Variants in SNX29 observed in about 807,000 individuals in gnomAD.
SNX29 encodes the protein sorting nexin 29, also known as sorting nexin-29.
Under a neutral mutation model 102.1 loss-of-function variants are expected in SNX29, and 78 were observed. The observed-to-expected ratio is 0.76, with a 90% CI of 0.64 to 0.92. The LOEUF is 0.92. Among genes scored for constraint, SNX29 ranks in the 40% least tolerant of loss-of-function variants. SNX29 has a pLI of 0.00. For missense variants in SNX29, 1,280 were observed against 1,061.7 expected (o/e 1.21, Z -2.86); for synonymous variants, 580 against 414.5 (o/e 1.40, Z -4.85).
intron 13 of SNX29, among the ~76,000 whole-genome samples, chr16:12,186,681 C>A (rs1409038662): frequency 2.0e-5 from 3 of 152,228 alleles, no homozygotes; most frequent in African/African-American, 7.2e-5. Context: ...ATCTGGGGAA[C>A]ACCTCCACAG....
At chr16:12,566,290 G>A (rs1462446274) in intron 20 of SNX29, among the ~76,000 whole-genome samples, 7 of 152,162 alleles carry the variant, frequency 4.6e-5, no homozygotes, top group Admixed American at 4.6e-4. Context: ...GGACTGGACA[G>A]AGACACGTGC....
At chr16:12,418,932 T>A (rs768819401) in intron 18 of SNX29, among the ~76,000 whole-genome samples, 1 of 152,170 alleles carries the variant, frequency 6.6e-6, no homozygotes, top group Non-Finnish European at 1.5e-5. Flanking sequence ...GAGCGGCAGT[T>A]ATACATCTGC....
chr16:12,057,714 T>G (rs915825238), intron 8 of SNX29, among the ~76,000 whole-genome samples: 4 of 152,046 alleles, frequency 2.6e-5, no homozygotes, highest in Admixed American at 6.6e-5. Flanking sequence ...CATTTTAACA[T>G]TTAGGATCTC....
At chr16:12,505,607 C>T (rs2089336506) in intron 19 of SNX29, among the ~76,000 whole-genome samples, 2 of 152,230 alleles carry the variant, frequency 1.3e-5, no homozygotes, top group African/African-American at 4.8e-5. Context: ...GCATAGTTAG[C>T]TCACGTGCTT....
chr16:12,076,513 G>T (rs1003928103), intron 10 of SNX29, among the ~76,000 whole-genome samples: 13 of 152,080 alleles, frequency 8.5e-5, no homozygotes, highest in Admixed American at 7.2e-4. Context: ...TGTTGGCTAG[G>T]CTGGTCTCGA....
intron 11 of SNX29, among the ~76,000 whole-genome samples, chr16:12,119,508 C>A (rs766855296): frequency 1.3e-5 from 2 of 152,218 alleles, no homozygotes; most frequent in Non-Finnish European, 2.9e-5. Flanking sequence ...GAGTGCCTCA[C>A]ATTTGTGTTT....
chr16:12,404,224 T>TA (rs2084074073), intron 18 of SNX29, among the ~76,000 whole-genome samples: 1 of 152,210 alleles, frequency 6.6e-6, no homozygotes, highest in Admixed American at 6.5e-5. Flanking sequence ...AGACATCGCC[T>TA]CTGCTTCCTT....
At chr16:12,462,216 C>T (rs1203269093) in intron 18 of SNX29, among the ~76,000 whole-genome samples, 3 of 151,606 alleles carry the variant, frequency 2.0e-5, no homozygotes, top group South Asian at 2.1e-4. Flanking sequence ...CTGGACCCTG[C>T]TTCCATGGTC....
At chr16:12,307,763 C>T (rs958414836) in intron 15 of SNX29, among the ~76,000 whole-genome samples, 3 of 152,232 alleles carry the variant, frequency 2.0e-5, no homozygotes, top group African/African-American at 7.2e-5. Context: ...TCGGCCTTGG[C>T]TGGTAGGCAC....
intron 20 of SNX29, among the ~76,000 whole-genome samples, chr16:12,538,777 C>T (rs554110926): frequency 6.6e-5 from 10 of 152,328 alleles, no homozygotes; most frequent in Non-Finnish European, 1.2e-4. Context: ...GAGCATGTCA[C>T]ATCGCCAAGG....
chr16:12,192,532 A>G (rs2076668702), intron 13 of SNX29, among the ~76,000 whole-genome samples: 1 of 151,724 alleles, frequency 6.6e-6, no homozygotes, highest in African/African-American at 2.4e-5. Flanking sequence ...TTGTTTGTGA[A>G]TTGCAGTCTC....
chr16:12,416,303 T>C (rs2084634103), intron 18 of SNX29, among the ~76,000 whole-genome samples: 2 of 152,146 alleles, frequency 1.3e-5, no homozygotes, highest in African/African-American at 4.8e-5. Context: ...CAGTCACTCA[T>C]TGGTCATTGC....
intron 1 of SNX29, among the ~76,000 whole-genome samples, chr16:11,998,533 C>T (rs1218810814): frequency 6.6e-6 from 1 of 152,160 alleles, no homozygotes; most frequent in East Asian, 1.9e-4. Flanking sequence ...TCAGTGATAT[C>T]AGGGCTGGTG....
intron 16 of SNX29, among the ~76,000 whole-genome samples, chr16:12,368,956 G>A (rs968159058): frequency 4.6e-5 from 7 of 152,086 alleles, no homozygotes; most frequent in African/African-American, 1.7e-4. Flanking sequence ...CTGAGCTCAT[G>A]ACCCACATTC....
chr16:12,107,592 C>T (rs1314415314), intron 11 of SNX29, among the ~76,000 whole-genome samples: 6 of 152,008 alleles, frequency 3.9e-5, no homozygotes, highest in African/African-American at 1.5e-4. Context: ...AGCTGAGATG[C>T]GTTCCTTCAT....
intron 13 of SNX29, chr16:12,135,448 G>A: frequency 8.3e-7 from 1 of 1,203,536 alleles, no homozygotes; most frequent in Admixed American, 2.3e-5. Context: ...CATCCATGAG[G>A]GCTTTACAGG....
chr16:12,540,925 C>G (rs908796360), intron 20 of SNX29, among the ~76,000 whole-genome samples: 3 of 152,190 alleles, frequency 2.0e-5, no homozygotes, highest in African/African-American at 7.2e-5. Context: ...TCTGTTCACC[C>G]CCTGCCCACT....
At chr16:12,441,533 G>C (rs1567566526) in intron 18 of SNX29, among the ~76,000 whole-genome samples, 1 of 152,104 alleles carries the variant, frequency 6.6e-6, no homozygotes, top group Non-Finnish European at 1.5e-5. Context: ...TCCTATACTA[G>C]TCTCTGTGTG....
chr16:12,564,322 C>G (rs2141519311), intron 20 of SNX29, among the ~76,000 whole-genome samples: 1 of 152,316 alleles, frequency 6.6e-6, no homozygotes, highest in Non-Finnish European at 1.5e-5. Context: ...ACTAGTGTCT[C>G]TTACCTTATT....
Sources: gnomAD v4.1 joint callset for allele counts (sites outside exome capture counted in the v4.1 genomes callset) on GRCh38, gnomAD v4.1.1 for gene constraint, MANE v1.5 for transcripts, NCBI Gene and HGNC (gene_info 2026-07-23, HGNC 2026-07-21) for gene names.